The following PCDHGA12 variants were observed in gnomAD, a reference collection of about 807,000 sequenced individuals.
PCDHGA12 encodes protocadherin gamma subfamily A, 12.
In PCDHGA12, 43 loss-of-function variants were observed where a neutral mutation model predicts 61.1. That is an observed-to-expected ratio of 0.70 (90% CI 0.55 to 0.91). The LOEUF is 0.91. PCDHGA12 is among the 40% of genes least tolerant of loss of function. The pLI is 0.00. For missense variants in PCDHGA12, 1,236 were observed against 1,227.7 expected (o/e 1.01, Z -0.10); for synonymous variants, 520 against 542.9 (o/e 0.96, Z 0.59).
intron 1 of PCDHGA12, among the ~76,000 whole-genome samples, chr5:141,436,517 G>A (rs1398225419): frequency 1.3e-5 from 2 of 152,130 alleles, no homozygotes; most frequent in African/African-American, 4.8e-5. Flanking sequence ...TGTTAACTGT[G>A]TCACCTTTAG....
At chr5:141,472,668 C>T (rs2099292239) in intron 1 of PCDHGA12, among the ~76,000 whole-genome samples, 1 of 151,742 alleles carries the variant, frequency 6.6e-6, no homozygotes, top group African/African-American at 2.4e-5. Context: ...ATCCTGTATA[C>T]TGGTCCTTCC....
rs978782104 is a variant in PCDHGA12 at position 141,431,445 on chromosome 5, G to C, written c.686G>C (p.Arg229Pro). 1 of 1,613,742 alleles carries C rather than the reference G, an allele frequency of 6.2e-7. No homozygotes were observed. The change falls in exon 1 of 4, where the codon CGC (arginine) becomes CCC (proline). Residue 229 changes from arginine to proline, a missense_variant. Transcript: ENST00000252085. This position sits in a 1 kb window ranked among gnomAD's most constrained non-coding sequence, Gnocchi z 4.8. ...DPVRTGTARIRVMVLDANDNA... is the reference protein window; with the variant it reads ...DPVRTGTARIPVMVLDANDNA... ...GTGCGCACAGGCACCGCGCGCATCC[G>C]CGTGATGGTTCTGGATGCGAACGAC...
chr5:141,509,421 A>T (rs939726886), intron 3 of PCDHGA12, among the ~76,000 whole-genome samples: 5 of 152,088 alleles, frequency 3.3e-5, no homozygotes, highest in Non-Finnish European at 1.5e-5. Context: ...AGCCCCAATG[A>T]GTCAAACTCT....
intron 3 of PCDHGA12, 162 bp downstream of exon 3, chr5:141,505,643 T>C: frequency 1.0e-6 from 1 of 967,852 alleles, no homozygotes. Context: ...AAGCCTGGAA[T>C]TGTGGCTAAG....
rs1191643556 is a variant in PCDHGA12 at position 141,486,302 on chromosome 5, C to A, written c.2425-8505C>A. On this transcript the variant is annotated intron_variant, in intron 1 of 3. Transcript: ENST00000252085. The surrounding 1 kb of genome is among the most constrained non-coding windows in gnomAD (Gnocchi z 5.0). ...GGTGGCACTTATCAGTGTGCAGGAT[C>A]CAGACTCAGGGTCAAACGGAGATGT... The A allele has an allele frequency of 6.2e-7, 1 of 1,614,036 alleles. No individual in the cohort carries two copies. The highest frequency in any genetic ancestry group is 8.5e-7 in the Non-Finnish European group (1 of 1,179,994).
intron 1 of PCDHGA12, among the ~76,000 whole-genome samples, chr5:141,438,587 C>CAT (rs1372372472): frequency 1.4e-4 from 10 of 73,396 alleles, no homozygotes; most frequent in East Asian, 3.8e-4. Context: ...TACATACATA[C>CAT]ATACATATAT....
chr5:141,454,693 A>G (rs951819293), intron 1 of PCDHGA12, among the ~76,000 whole-genome samples: 1 of 151,738 alleles, frequency 6.6e-6, no homozygotes, highest in Non-Finnish European at 1.5e-5. Context: ...GGCATGAGCC[A>G]CCATGCTCCA....
chr5:141,455,255 C>T (rs1049752169), intron 1 of PCDHGA12, among the ~76,000 whole-genome samples: 16 of 152,146 alleles, frequency 1.1e-4, no homozygotes, highest in African/African-American at 3.9e-4. Flanking sequence ...AGTACAATCG[C>T]ATTTCTTCCC....
chr5:141,457,127 C>G (rs2098910262), intron 1 of PCDHGA12, among the ~76,000 whole-genome samples: 1 of 152,200 alleles, frequency 6.6e-6, no homozygotes, highest in Admixed American at 6.5e-5. Flanking sequence ...AATGGAAACT[C>G]TGTCCAATAT....
At chr5:141,505,151 G>T (rs2099844154) in intron 2 of PCDHGA12, among the ~76,000 whole-genome samples, 1 of 152,164 alleles carries the variant, frequency 6.6e-6, no homozygotes, top group Non-Finnish European at 1.5e-5. Context: ...GACAGAGTAA[G>T]ACCCTGTCTA....
Position 141,485,519 on chromosome 5 carries a change from A to T in PCDHGA12, c.2425-9288A>T. ...GTTTGTCACCGAAGGTCCTTTGGAA[A>T]TGTACCGAGCAGAGGTAGAGATCGT... On this transcript the variant is annotated intron_variant, in intron 1 of 3. Transcript: ENST00000252085. The surrounding 1 kb of genome is among the most constrained non-coding windows in gnomAD (Gnocchi z 5.7). The T allele has an allele frequency of 6.2e-7, 1 of 1,614,150 alleles. No individual in the cohort carries two copies. The highest frequency in any genetic ancestry group is 8.5e-7 in the Non-Finnish European group (1 of 1,180,018).
chr5:141,506,398 A>T (rs902405970), intron 3 of PCDHGA12, among the ~76,000 whole-genome samples: 6 of 151,394 alleles, frequency 4.0e-5, no homozygotes, highest in Admixed American at 2.6e-4. Context: ...GTGAGCAGAA[A>T]ATCGCACCAC....
chr5:141,497,812 T>C (rs947015544), intron 2 of PCDHGA12, among the ~76,000 whole-genome samples: 2 of 152,202 alleles, frequency 1.3e-5, no homozygotes, highest in African/African-American at 4.8e-5. Flanking sequence ...AGTGCTAGAA[T>C]TACAGGTGTG....
At chr5:141,453,586 C>T (rs1409763264) in intron 1 of PCDHGA12, among the ~76,000 whole-genome samples, 1 of 152,204 alleles carries the variant, frequency 6.6e-6, no homozygotes, top group Non-Finnish European at 1.5e-5. Context: ...GGTTTATCCT[C>T]ACTGTGTTTC....
rs769641310 is a variant in PCDHGA12, at chr5:141,477,421, T to G, written c.2425-17386T>G. 1.7e-5 allele frequency: 28 copies of G among 1,614,172 alleles called. No individual in the cohort carries two copies. Among genetic ancestry groups the G allele is most frequent in the Non-Finnish European group, 2.3e-5 (27 of 1,180,028 alleles). On this transcript the variant is annotated intron_variant, in intron 1 of 3. Coordinates refer to ENST00000252085, the MANE Select transcript of PCDHGA12 (RefSeq NM_003735.3). The surrounding 1 kb of genome is among the most constrained non-coding windows in gnomAD (Gnocchi z 4.9). ...TCACCGCCCGAGACGCCGGAACCCC[T>G]TCCCTCTCAGCCCTTACAATAGTGC...
In PCDHGA12 at chr5:141,431,494, C is replaced by A; in HGVS notation, c.735C>A (p.Pro245=). 6.2e-7 allele frequency: 1 copy of A among 1,613,956 alleles called. No homozygotes were observed. Among genetic ancestry groups the A allele is most frequent in the Middle Eastern group, 1.6e-4 (1 of 6,062 alleles). The change falls in exon 1 of 4, where the codon CCC becomes CCA. Residue 245 remains proline (P), a synonymous_variant. Coordinates refer to ENST00000252085, the MANE Select transcript of PCDHGA12 (RefSeq NM_003735.3). This position sits in a 1 kb window ranked among gnomAD's most constrained non-coding sequence, Gnocchi z 4.8. Reference sequence around the variant, plus strand: ...ACAACGCACCAGCGTTTGCTCAGCCCGAGTACCGCGCGAGCGTTCCGGAGA... The same window carrying A: ...ACAACGCACCAGCGTTTGCTCAGCCAGAGTACCGCGCGAGCGTTCCGGAGA... ...ANDNAPAFAQ[P]EYRASVPENL...
chr5:141,477,504 A>T lies in PCDHGA12; in HGVS notation c.2425-17303A>T, dbSNP rs1396003792. Reference sequence around the variant, plus strand: ...CCACAATCTTCTCAATCTTCCTACGACGTTTACATTGAAGAAAACAACCTC... The same window carrying T: ...CCACAATCTTCTCAATCTTCCTACGTCGTTTACATTGAAGAAAACAACCTC... On this transcript the variant is annotated intron_variant, in intron 1 of 3. Coordinates refer to ENST00000252085, the MANE Select transcript of PCDHGA12 (RefSeq NM_003735.3). This position sits in a 1 kb window ranked among gnomAD's most constrained non-coding sequence, Gnocchi z 4.9. The T allele has an allele frequency of 4.3e-6, 7 of 1,613,982 alleles. No homozygotes were observed. In the Admixed American group the frequency reaches 8.3e-5, roughly 19 times the overall value.
At chr5:141,509,570 G>A (rs2099877371) in intron 3 of PCDHGA12, among the ~76,000 whole-genome samples, 1 of 152,232 alleles carries the variant, frequency 6.6e-6, no homozygotes, top group South Asian at 2.1e-4. Flanking sequence ...AGCCTTCACA[G>A]TGCGTACAAA....
chr5:141,465,429 A>G (rs1191638112), intron 1 of PCDHGA12, among the ~76,000 whole-genome samples: 2 of 152,316 alleles, frequency 1.3e-5, no homozygotes, highest in East Asian at 3.9e-4. Context: ...AAAGGTGGGC[A>G]CTTAATGATT....
Sources: gnomAD v4.1 joint callset for allele counts (sites outside exome capture counted in the v4.1 genomes callset) on GRCh38, gnomAD v4.1.1 for gene constraint, Gnocchi (gnomAD v3.1) non-coding constraint, MANE v1.5 for transcripts, NCBI Gene and HGNC (gene_info 2026-07-23, HGNC 2026-07-21) for gene names.